The following CACNA2D3 variants were observed in gnomAD, a reference collection of about 807,000 sequenced individuals.
CACNA2D3 encodes calcium voltage-gated channel auxiliary subunit alpha2delta 3, also known as voltage-dependent calcium channel subunit alpha-2/delta-3.
A neutral mutation model predicts 160.6 loss-of-function variants in CACNA2D3; 60 were observed. That is an observed-to-expected ratio of 0.37 (90% CI 0.30 to 0.46). The LOEUF (loss-of-function observed/expected upper bound fraction) is 0.46, where lower values mean the gene tolerates loss of function less well. Among genes scored for constraint, CACNA2D3 ranks in the 20% least tolerant of loss-of-function variants. The pLI is 1.00. For missense variants in CACNA2D3, 1,205 were observed against 1,365.0 expected, an observed-to-expected ratio of 0.88 and a Z score of 1.85; for synonymous variants, 558 against 492.9, an observed-to-expected ratio of 1.13 and a Z score of -1.75.
At chr3:54,137,507 T>G (rs1411929893) in intron 2 of CACNA2D3, among the ~76,000 whole-genome samples, 4 of 152,244 alleles carry the variant, frequency 2.6e-5, no homozygotes, top group Non-Finnish European at 1.5e-5. Context: ...ATCTCCCTGG[T>G]GCAAGAATTG....
At chr3:54,951,544 T>C (rs568286441) in intron 27 of CACNA2D3, among the ~76,000 whole-genome samples, 3 of 152,292 alleles carry the variant, frequency 2.0e-5, no homozygotes, top group African/African-American at 7.2e-5. Context: ...CTCTACAGAC[T>C]TCCAGAACAG....
intron 2 of CACNA2D3, among the ~76,000 whole-genome samples, chr3:54,284,674 A>T (rs1292936994): frequency 6.6e-6 from 1 of 152,232 alleles, no homozygotes; most frequent in Non-Finnish European, 1.5e-5. Flanking sequence ...GGTGGAATAG[A>T]GCTCCTTCGG....
chr3:54,947,380 G>C (rs922866591), intron 27 of CACNA2D3, among the ~76,000 whole-genome samples: 1 of 152,140 alleles, frequency 6.6e-6, no homozygotes, highest in African/African-American at 2.4e-5. Flanking sequence ...ACAGGCTCTG[G>C]TTAGGACTTG....
At chr3:54,501,825 A>G (rs1299031583) in intron 4 of CACNA2D3, among the ~76,000 whole-genome samples, 1 of 152,226 alleles carries the variant, frequency 6.6e-6, no homozygotes, top group Non-Finnish European at 1.5e-5. Context: ...TACTGGCAAC[A>G]GATTCCTTCA....
At chr3:54,892,756 C>A (rs1312858653) in intron 25 of CACNA2D3, among the ~76,000 whole-genome samples, 1 of 152,258 alleles carries the variant, frequency 6.6e-6, no homozygotes, top group Non-Finnish European at 1.5e-5. Context: ...TTGAGAAAGT[C>A]TGCTGCTGGC....
chr3:54,747,000 C>G (rs185652728), intron 11 of CACNA2D3, among the ~76,000 whole-genome samples: 13 of 152,138 alleles, frequency 8.5e-5, no homozygotes, highest in African/African-American at 3.1e-4. Context: ...TCCAGCTTCT[C>G]TATTTTTTTA....
At chr3:54,221,796 AT>A (rs1199225374) in intron 2 of CACNA2D3, among the ~76,000 whole-genome samples, 1 of 152,064 alleles carries the variant, frequency 6.6e-6, no homozygotes, top group Non-Finnish European at 1.5e-5. Flanking sequence ...GATACATTAT[AT>A]TTTTAGCTTG....
intron 2 of CACNA2D3, among the ~76,000 whole-genome samples, chr3:54,274,035 G>A (rs1276737945): frequency 6.6e-6 from 1 of 151,940 alleles, no homozygotes; most frequent in African/African-American, 2.4e-5. Context: ...TATAGCCATG[G>A]TATCTCATAG....
At chr3:54,698,823 T>C (rs1700712624) in intron 11 of CACNA2D3, among the ~76,000 whole-genome samples, 2 of 152,198 alleles carry the variant, frequency 1.3e-5, no homozygotes, top group South Asian at 2.1e-4. Context: ...GGCAATGGCC[T>C]GCCTATGTAT....
chr3:54,592,592 T>C (rs1308078500), intron 9 of CACNA2D3, among the ~76,000 whole-genome samples: 2 of 152,062 alleles, frequency 1.3e-5, no homozygotes, highest in African/African-American at 2.4e-5. Context: ...AAAATGAACC[T>C]CCTGTGGTCT....
chr3:55,074,022 T>A (rs1704885410), intron 37 of CACNA2D3, 92 bp from the exon 38 acceptor site: 14 of 1,203,044 alleles, frequency 1.2e-5, no homozygotes, highest in Non-Finnish European at 1.6e-5. Flanking sequence ...AAGACTTCGT[T>A]CTTACGTTAG....
At chr3:54,981,830 G>A (rs1314300740) in intron 29 of CACNA2D3, among the ~76,000 whole-genome samples, 1 of 152,212 alleles carries the variant, frequency 6.6e-6, no homozygotes, top group African/African-American at 2.4e-5. Context: ...TCCCATCATT[G>A]TTAATCCAAC....
chr3:54,689,721 G>GACAC (rs374097446), intron 11 of CACNA2D3, among the ~76,000 whole-genome samples: 2 of 150,424 alleles, frequency 1.3e-5, no homozygotes, highest in Admixed American at 6.6e-5. Flanking sequence ...TGCCGACTCT[G>GACAC]ACACACACAC....
chr3:54,840,403 C>CTTTTTTTTTTTTTTTTTTTTTTTTTTTT (rs1174129020), intron 16 of CACNA2D3, among the ~76,000 whole-genome samples: 1 of 73,448 alleles, frequency 1.4e-5, no homozygotes, highest in Non-Finnish European at 2.4e-5. Context: ...AGAACCATGT[C>CTTTTTTTTTTTTTTTTTTTTTTTTTTTT]TTTTTTTTTT....
chr3:54,213,213 A>G (rs1278289257), intron 2 of CACNA2D3, among the ~76,000 whole-genome samples: 1 of 152,170 alleles, frequency 6.6e-6, no homozygotes, highest in Non-Finnish European at 1.5e-5. Context: ...TGCCCAGGTA[A>G]TTTGCTTCCT....
chr3:54,269,575 G>C (rs1702580229), intron 2 of CACNA2D3, among the ~76,000 whole-genome samples: 1 of 152,164 alleles, frequency 6.6e-6, no homozygotes, highest in South Asian at 2.1e-4. Context: ...GTGATGGCAA[G>C]AGTACCAACC....
chr3:54,760,863 G>T (rs372858057), intron 12 of CACNA2D3, among the ~76,000 whole-genome samples: 1 of 152,096 alleles, frequency 6.6e-6, no homozygotes, highest in African/African-American at 2.4e-5. Context: ...AAGTGAAGTC[G>T]GGAGTTGGCT....
rs556929004 is a variant in CACNA2D3 at position 54,572,258 on chromosome 3, A to G, written c.888+2154A>G. On this transcript the variant is annotated intron_variant, in intron 8 of 37. Coordinates refer to ENST00000474759, the MANE Select transcript of CACNA2D3 (RefSeq NM_018398.3). The stretch of plus-strand genomic sequence containing the variant: ...AAAGACGAAAGGGAAAAGAAAGAGA[A>G]TACTAAATTCCTTGGGAGCAGGGGT... Among the ~76,000 whole-genome samples, 11 of 152,354 alleles carry G rather than the reference A, an allele frequency of 7.2e-5. No individual in the cohort carries two copies. In the South Asian group the frequency reaches 2.3e-3, roughly 32 times the overall value.
At chr3:54,822,832 T>TTTTCTTTCTTTCTTTC (rs60981421) in intron 14 of CACNA2D3, among the ~76,000 whole-genome samples, 29 of 58,024 alleles carry the variant, frequency 5.0e-4, no homozygotes, top group East Asian at 1.9e-3. Context: ...TCTTTCTTTC[T>TTTTCTTTCTTTCTTTC]TTTCTTTCTT....
Sources: allele counts gnomAD v4.1 joint callset (sites outside exome capture counted in the v4.1 genomes callset), GRCh38; gene constraint gnomAD v4.1.1; transcripts MANE v1.5; gene names NCBI Gene and HGNC (gene_info 2026-07-23, HGNC 2026-07-21).